The following TTC12 variants were observed in gnomAD, a reference collection of about 807,000 sequenced individuals.
The protein encoded by TTC12 is tetratricopeptide repeat domain 12, also known as tetratricopeptide repeat protein 12.
Under a neutral mutation model 90.1 loss-of-function variants are expected in TTC12, and 70 were observed. That is an observed-to-expected ratio of 0.78 (90% CI 0.64 to 0.95). The LOEUF (loss-of-function observed/expected upper bound fraction) is 0.95. Ranked by LOEUF, TTC12 falls within the 40% of genes least tolerant of loss-of-function variation. The pLI, the probability that TTC12 is intolerant of heterozygous loss-of-function variation, is 0.00. For synonymous variants in TTC12, 296 were observed against 311.5 expected (o/e 0.95, Z 0.53); for missense variants, 819 against 846.1 (o/e 0.97, Z 0.40).
intron 18 of TTC12, among the ~76,000 whole-genome samples, chr11:113,362,050 A>T (rs1219338014): frequency 2.0e-5 from 3 of 152,182 alleles, no homozygotes; most frequent in African/African-American, 7.2e-5. Context: ...GATAAAGATA[A>T]ATGACACAGA....
chr11:113,352,416 G>A (rs1949354338), intron 16 of TTC12, among the ~76,000 whole-genome samples: 1 of 151,488 alleles, frequency 6.6e-6, no homozygotes, highest in South Asian at 2.1e-4. Flanking sequence ...GAGATTTGAA[G>A]GATTTTTTTT....
chr11:113,316,443 G>C (rs1946945057), intron 2 of TTC12, 128 bp downstream of exon 2: 2 of 439,548 alleles, frequency 4.6e-6, no homozygotes, highest in African/African-American at 2.0e-5. Context: ...TGAAATTAAA[G>C]AGAAGGGTAT....
chr11:113,345,579 G>C (rs782091674), intron 13 of TTC12, among the ~76,000 whole-genome samples: 4 of 152,182 alleles, frequency 2.6e-5, no homozygotes, highest in Non-Finnish European at 4.4e-5. Context: ...TGACAGGATG[G>C]TTATTAAGCC....
At chr11:113,320,592 G>A (rs1555137903) in intron 2 of TTC12, among the ~76,000 whole-genome samples, 1 of 152,184 alleles carries the variant, frequency 6.6e-6, no homozygotes, top group African/African-American at 2.4e-5. Context: ...TTAGTCCTGT[G>A]TGTGACCTGA....
intron 2 of TTC12, among the ~76,000 whole-genome samples, chr11:113,319,069 T>C (rs1343360204): frequency 6.6e-6 from 1 of 152,114 alleles, no homozygotes; most frequent in African/African-American, 2.4e-5. Context: ...AACTTTACAG[T>C]GGAAAAGGTT....
intron 3 of TTC12, among the ~76,000 whole-genome samples, chr11:113,323,728 C>G (rs560128779): frequency 6.6e-6 from 1 of 152,204 alleles, no homozygotes; most frequent in South Asian, 2.1e-4. Context: ...GTAATGTATT[C>G]TAACTCATTT....
chr11:113,316,359 TGGA>T lies in TTC12; in HGVS notation c.58+46_58+48del, dbSNP rs782310931. On this transcript the variant is annotated intron_variant, in intron 2 of 21. Transcript: ENST00000529221. ...TAAATTAATTTCTGCTTTAGAGAAG[TGGA>T]GTAGATAAATGATTGCTCTAAGTTC... The T allele has an allele frequency of 2.9e-6, 3 of 1,041,682 alleles. No homozygotes were observed. The South Asian group carries it at 7.9e-5, about 27-fold the overall frequency. 64.5% of individuals were successfully genotyped at this position (1,041,682 alleles called of 1,614,324 possible).
intron 2 of TTC12, among the ~76,000 whole-genome samples, chr11:113,317,206 C>G (rs1946994883): frequency 2.0e-5 from 3 of 152,218 alleles, no homozygotes; most frequent in African/African-American, 7.2e-5. Context: ...ACTTAGCCTT[C>G]TTTTCTGAGC....
chr11:113,370,125 C>T (rs1950342664), downstream of TTC12, among the ~76,000 whole-genome samples: 1 of 152,186 alleles, frequency 6.6e-6, no homozygotes, highest in Admixed American at 6.5e-5. Flanking sequence ...TAGCAGCGCT[C>T]CTTGTCAGGG....
chr11:113,344,948 A>G (rs1948867940), intron 13 of TTC12, among the ~76,000 whole-genome samples: 3 of 152,186 alleles, frequency 2.0e-5, no homozygotes, highest in African/African-American at 7.2e-5. Flanking sequence ...TGTGTACCCT[A>G]AGTAGACTTT....
At chr11:113,364,680 A>G in intron 20 of TTC12, 155 bp from the exon 21 acceptor site, 1 of 639,838 alleles carries the variant, frequency 1.6e-6, no homozygotes, top group Non-Finnish European at 2.8e-6. Flanking sequence ...GCATTCAGTG[A>G]ATGTTTGCTG....
intron 8 of TTC12, 115 bp downstream of exon 8, chr11:113,335,152 AT>A (rs1948293066): frequency 1.3e-6 from 1 of 792,472 alleles, no homozygotes. Flanking sequence ...ATCCTTTAGT[AT>A]TTTCCAAGGT....
chr11:113,362,742 C>CTT (rs559278230), intron 19 of TTC12, among the ~76,000 whole-genome samples: 41 of 152,302 alleles, frequency 2.7e-4, no homozygotes, highest in Admixed American at 2.6e-3. Context: ...ATAAAACCTG[C>CTT]TTACCCCTCA....
At position 113,346,751 on chromosome 11, in the gene TTC12, G is replaced by GAA. The variant is rs58619294; in HGVS notation, c.1154+2327_1154+2328dup. On this transcript the variant is annotated intron_variant, in intron 13 of 21. Coordinates refer to ENST00000529221, the MANE Select transcript of TTC12 (RefSeq NM_017868.4). ...TAGCCAGCAAACAGCATCTGCTACA[G>GAA]AAAAAAAAAAAAAAAAAGCAACTAA... Among the ~76,000 whole-genome samples the GAA allele has an allele frequency of 1.4e-4, 8 of 57,492 alleles. No homozygotes were observed. The East Asian group carries it at 1.7e-3, about 13-fold the overall frequency. 37.7% of individuals were successfully genotyped at this position (57,492 alleles called of 152,430 possible). A position where few individuals can be genotyped will look rare whatever the true frequency, so the allele number is the denominator to read the frequency against.
Position 113,366,153 on chromosome 11 carries a change from G to A in TTC12, c.2043-72G>A, listed in dbSNP as rs958894919. On this transcript the variant is annotated intron_variant, in intron 21 of 21. Transcript: ENST00000529221. Reference sequence around the variant, plus strand: ...TCTCAGCCAGCTTCCATCTGAGAGGGTGTTGGCTCTGGGCTCCAGAAGCCT... The same window carrying A: ...TCTCAGCCAGCTTCCATCTGAGAGGATGTTGGCTCTGGGCTCCAGAAGCCT... 139 of 1,529,610 alleles carry A rather than the reference G, an allele frequency of 9.1e-5. No homozygotes were observed. In the African/African-American group the frequency reaches 1.7e-3, roughly 19 times the overall value. 94.8% of individuals were successfully genotyped at this position (1,529,610 alleles called of 1,614,324 possible). A position where few individuals can be genotyped will look rare whatever the true frequency, so the allele number is the denominator to read the frequency against.
chr11:113,369,099 AAT>A (rs1950304577), downstream of TTC12: 1 of 153,818 alleles, frequency 6.5e-6, no homozygotes, highest in Non-Finnish European at 1.4e-5. Context: ...AGAGAGAAAG[AAT>A]AAAGCCTGCC....
chr11:113,359,451 T>G lies in TTC12; in HGVS notation c.1535T>G (p.Phe512Cys), dbSNP rs187678761. The G allele has an allele frequency of 1.2e-6, 2 of 1,612,172 alleles. No individual in the cohort carries two copies. The highest frequency in any genetic ancestry group is 4.5e-5 in the East Asian group (2 of 44,842). The change falls in exon 17 of 22, where the codon TTT (phenylalanine) becomes TGT (cysteine). Residue 512 changes from phenylalanine (F) to cysteine (C), a missense_variant. Coordinates refer to ENST00000529221, the MANE Select transcript of TTC12 (RefSeq NM_017868.4). ...ATGAACCTGTGTCTTCAGGCTCCCT[T>G]TGTCTCTGAGGTATGGCATTCTTGT... Reference protein sequence around the residue: ...LMMNLCLQAPFVSEVWAVEVS... With the variant: ...LMMNLCLQAPCVSEVWAVEVS...
At position 113,323,995 on chromosome 11, in the gene TTC12, G is replaced by A; in HGVS notation, c.224G>A (p.Ser75Asn). The change falls in exon 4 of 22, where the codon AGT becomes AAT. Residue 75 changes from serine to asparagine, a missense_variant and splice_region_variant. Coordinates refer to ENST00000529221, the MANE Select transcript of TTC12 (RefSeq NM_017868.4). ...TTTTATGGTAACCTACGTCTACAGA[G>A]TGCAGAAGAAATAAACTCAGGTAAG... is the stretch of plus-strand genomic sequence containing the variant. ...MISPPQTAMK[S>N]AEEINSEAFL... is the part of the protein sequence containing the mutation. 1 of 1,611,930 alleles carries A rather than the reference G, an allele frequency of 6.2e-7. No homozygotes were observed. The highest frequency in any genetic ancestry group is 8.5e-7 in the Non-Finnish European group (1 of 1,178,506).
intron 6 of TTC12, among the ~76,000 whole-genome samples, chr11:113,328,591 C>T (rs1947837570): frequency 6.6e-6 from 1 of 152,060 alleles, no homozygotes; most frequent in African/African-American, 2.4e-5. Context: ...AGGACAGAAG[C>T]AGAGCTTTAT....
Sources: allele counts gnomAD v4.1 joint callset (sites outside exome capture counted in the v4.1 genomes callset), GRCh38; gene constraint gnomAD v4.1.1; transcripts MANE v1.5; gene names NCBI Gene and HGNC (gene_info 2026-07-23, HGNC 2026-07-21).